The following CERS3 variants were observed in gnomAD, a reference collection of about 807,000 sequenced individuals.
The protein encoded by CERS3 is LAG1 homolog, ceramide synthase 3.
Under a neutral mutation model 50.3 loss-of-function variants are expected in CERS3, and 33 were observed. The ratio of observed to expected loss-of-function variants is 0.66; its 90% confidence interval spans 0.50 to 0.88. The LOEUF (loss-of-function observed/expected upper bound fraction) is 0.88, where lower values mean the gene tolerates loss of function less well. CERS3 is among the 40% of genes least tolerant of loss of function. The pLI, the probability that CERS3 is intolerant of heterozygous loss-of-function variation, is 0.00. For synonymous variants in CERS3, 176 were observed against 155.2 expected (o/e 1.13, Z -0.99); for missense variants, 470 against 460.3 (o/e 1.02, Z -0.19).
intron 11 of CERS3, among the ~76,000 whole-genome samples, chr15:100,434,383 T>C (rs1394127628): frequency 6.6e-6 from 1 of 152,236 alleles, no homozygotes; most frequent in Non-Finnish European, 1.5e-5. Flanking sequence ...ACAGACGGCA[T>C]GCGTGCTGTT....
chr15:100,533,545 C>T (rs1295968991), upstream of CERS3, among the ~76,000 whole-genome samples: 10 of 145,794 alleles, frequency 6.9e-5, no homozygotes, highest in African/African-American at 1.0e-4. Context: ...TCTTTCCTTC[C>T]TTCCTTCCCT....
intron 9 of CERS3, among the ~76,000 whole-genome samples, chr15:100,470,083 A>G (rs969688498): frequency 6.6e-6 from 1 of 151,112 alleles, no homozygotes; most frequent in African/African-American, 2.4e-5. Flanking sequence ...AAAGAACTGC[A>G]GAAAGGGTTG....
At chr15:100,419,589 A>T (rs1256723051) in intron 11 of CERS3, among the ~76,000 whole-genome samples, 1 of 145,140 alleles carries the variant, frequency 6.9e-6, no homozygotes, top group South Asian at 2.3e-4. Flanking sequence ...GACCTAATAG[A>T]CATCTACAGA....
chr15:100,472,321 C>A lies in CERS3; in HGVS notation c.738+603G>T, dbSNP rs190008788. Reference sequence around the variant, plus strand: ...AATCAAAATAGAACAGAAACAGGTCCGGAAAACAATCCCAACGTGGCTTTG... The same window carrying A: ...AATCAAAATAGAACAGAAACAGGTCAGGAAAACAATCCCAACGTGGCTTTG... On this transcript the variant is annotated intron_variant, in intron 9 of 11. Transcript: ENST00000679737. Among the ~76,000 whole-genome samples the A allele has an allele frequency of 3.1e-3, 471 of 152,194 alleles. 3 individuals carry two copies. Among genetic ancestry groups the A allele is most frequent in the African/African-American group, 0.01 (436 of 41,546 alleles).
intron 11 of CERS3, among the ~76,000 whole-genome samples, chr15:100,432,270 T>C (rs1178266431): frequency 6.6e-6 from 1 of 152,278 alleles, no homozygotes; most frequent in East Asian, 1.9e-4. Flanking sequence ...TCAAAAATAT[T>C]TAAGCACCTG....
chr15:100,401,756 T>G lies in CERS3; in HGVS notation c.*957A>C, dbSNP rs1295756402. ...CCCCCGTGGAGGTCCCCAGGTACTGTGCTGGCCTGAAGGAAGGGCTCAGGG... is the reference window on the plus strand; with the variant it reads ...CCCCCGTGGAGGTCCCCAGGTACTGGGCTGGCCTGAAGGAAGGGCTCAGGG... On this transcript the variant is annotated 3_prime_UTR_variant, in exon 12 of 12. Coordinates refer to ENST00000679737, the MANE Select transcript of CERS3 (RefSeq NM_001378789.1). 1 of 152,168 alleles carries G rather than the reference T, an allele frequency of 6.6e-6. No individual in the cohort carries two copies. Among genetic ancestry groups the G allele is most frequent in the Admixed American group, 6.6e-5 (1 of 15,266 alleles). 9.4% of individuals were successfully genotyped at this position (152,168 alleles called of 1,614,324 possible).
chr15:100,494,382 G>A (rs1438928844), intron 3 of CERS3, among the ~76,000 whole-genome samples: 1 of 151,158 alleles, frequency 6.6e-6, no homozygotes. Context: ...TGAGTAGCTG[G>A]GACTACAGGT....
At chr15:100,482,368 G>A (rs2035331374) in intron 5 of CERS3, among the ~76,000 whole-genome samples, 1 of 152,140 alleles carries the variant, frequency 6.6e-6, no homozygotes, top group South Asian at 2.1e-4. Context: ...AGTGGTGAGA[G>A]ACACTGCTGG....
chr15:100,467,642 T>C (rs2034790777), intron 10 of CERS3, among the ~76,000 whole-genome samples: 1 of 151,550 alleles, frequency 6.6e-6, no homozygotes, highest in Admixed American at 6.6e-5. Context: ...CATGGCGAAC[T>C]GAGGGGCAAA....
chr15:100,538,212 G>C (rs2037118891), intron 1 of CERS3, among the ~76,000 whole-genome samples: 1 of 152,196 alleles, frequency 6.6e-6, no homozygotes, highest in Non-Finnish European at 1.5e-5. Flanking sequence ...CTGGCATTGA[G>C]TGTTTGTGGC....
Position 100,401,557 on chromosome 15 carries a change from G to C in CERS3, c.*1156C>G, listed in dbSNP as rs1397558697. 1 of 152,356 alleles carries C rather than the reference G, an allele frequency of 6.6e-6. No homozygotes were observed. The highest frequency in any genetic ancestry group is 6.5e-5 in the Admixed American group (1 of 15,290). 9.4% of individuals were successfully genotyped at this position (152,356 alleles called of 1,614,324 possible). ...AGGGGTATGCCTTTTATGGCCTTTT[G>C]TGTTGTGTTTCACTGTGATGCAGGC... On this transcript the variant is annotated 3_prime_UTR_variant, in exon 12 of 12. Transcript: ENST00000679737.
In CERS3 at chr15:100,490,867, T is replaced by C. The variant is rs148839081; in HGVS notation, c.238A>G (p.Asn80Asp). ...IKETVRKVTP[N>D]TVLENFFKHS... ...TTGAAAAAATTCTCTAAGACAGTAT[T>C]TGGTGTAACCTTTCGAACTGTCTCT... is the stretch of plus-strand genomic sequence containing the variant. Residue 80 changes from asparagine (N) to aspartate (D), a missense_variant, in exon 4 of 12, where the codon AAT (asparagine) becomes GAT (aspartate). Asn to Asp is a conservative substitution (Grantham distance 23). Transcript: ENST00000679737. 1.7e-5 allele frequency: 28 copies of C among 1,612,776 alleles called. No individual in the cohort carries two copies. In the African/African-American group the frequency reaches 2.8e-4, roughly 16 times the overall value.
At chr15:100,471,207 A>C (rs1184444029) in intron 9 of CERS3, among the ~76,000 whole-genome samples, 1 of 152,208 alleles carries the variant, frequency 6.6e-6, no homozygotes. Context: ...GGGAACCTCT[A>C]AGATTGGACA....
intron 11 of CERS3, among the ~76,000 whole-genome samples, chr15:100,443,708 C>T (rs2585234): frequency 0.82 from 115,105 of 139,552 alleles, 47,972 homozygotes; most frequent in Middle Eastern, 0.89. Context: ...TTCTTCCTTA[C>T]CTGTTACCTA....
At chr15:100,487,473 A>G (rs573444133) in intron 4 of CERS3, among the ~76,000 whole-genome samples, 64 of 152,300 alleles carry the variant, frequency 4.2e-4, no homozygotes, top group African/African-American at 1.5e-3. Context: ...CCATCTCCAC[A>G]CAGAAAGTCG....
chr15:100,538,923 T>G (rs2037136447), intron 1 of CERS3, among the ~76,000 whole-genome samples: 1 of 152,250 alleles, frequency 6.6e-6, no homozygotes, highest in African/African-American at 2.4e-5. Context: ...ACCATCTCTT[T>G]GTGAATGCGT....
rs79942404 is a variant in CERS3, at chr15:100,480,889, T to C, written c.408-843A>G. 7.3e-3 allele frequency among the ~76,000 whole-genome samples: 1,105 copies of C among 152,280 alleles called. 10 individuals are homozygous for C. Among genetic ancestry groups the C allele is most frequent in the Non-Finnish European group, 0.012 (810 of 68,008 alleles). On this transcript the variant is annotated intron_variant, in intron 5 of 11. Coordinates refer to ENST00000679737, the MANE Select transcript of CERS3 (RefSeq NM_001378789.1). ...TAGTGGGGATAGAGAGGACATAGGA[T>C]TGGCCTTGAGTTGATCAACTAAAGC... is the stretch of plus-strand genomic sequence containing the variant.
chr15:100,440,401 C>A (rs571544343), intron 11 of CERS3, among the ~76,000 whole-genome samples: 1 of 152,226 alleles, frequency 6.6e-6, no homozygotes, highest in Non-Finnish European at 1.5e-5. Flanking sequence ...AGCTCCCCTA[C>A]TGAGCACCTT....
chr15:100,529,900 G>T (rs551523938), upstream of CERS3, among the ~76,000 whole-genome samples: 23 of 152,178 alleles, frequency 1.5e-4, no homozygotes, highest in African/African-American at 5.3e-4. Flanking sequence ...AATTAAAAAT[G>T]GACTAGATGC....
Sources: allele counts gnomAD v4.1 joint callset (sites outside exome capture counted in the v4.1 genomes callset), GRCh38; gene constraint gnomAD v4.1.1; transcripts MANE v1.5; gene names NCBI Gene and HGNC (gene_info 2026-07-23, HGNC 2026-07-21).